MXRA7: variants seen among roughly 807,000 people sequenced by gnomAD.
The protein encoded by MXRA7 is matrix remodeling associated 7, also known as matrix-remodeling-associated protein 7.
Under a neutral mutation model 17.4 loss-of-function variants are expected in MXRA7, and 18 were observed. The ratio of observed to expected loss-of-function variants is 1.03; its 90% CI spans 0.71 to 1.53. MXRA7 has a LOEUF of 1.53. Among genes scored for constraint, MXRA7 ranks in the 40% most tolerant of loss-of-function variants. The pLI is 0.00. For synonymous variants in MXRA7, 70 were observed against 101.7 expected, an observed-to-expected ratio of 0.69 and a Z score of 1.87; for missense variants, 141 against 209.3, an observed-to-expected ratio of 0.67 and a Z score of 2.01.
In MXRA7 at chr17:76,706,380, G is replaced by A. The variant is rs112345048; in HGVS notation, c.342+4225C>T. ...TGCCATCACAGAGGCCCACGCTGCC[G>A]TCACAGAGGCCCACGCTGCCGTCAC... On this transcript the variant is annotated intron_variant, in intron 1 of 3. Coordinates refer to ENST00000449428, the MANE Select transcript of MXRA7 (RefSeq NM_198530.4). 4.2e-3 allele frequency among the ~76,000 whole-genome samples: 353 copies of A among 84,076 alleles called. 7 individuals are homozygous for A. Among genetic ancestry groups the A allele is most frequent in the East Asian group, 0.022 (52 of 2,336 alleles). 55.2% of individuals were successfully genotyped at this position (84,076 alleles called of 152,430 possible). A position where few individuals can be genotyped will look rare whatever the true frequency, so the allele number is the denominator to read the frequency against.
In MXRA7 at chr17:76,710,577, A is replaced by AG. The variant is rs749640412; in HGVS notation, c.342+27dup. On this transcript the variant is annotated intron_variant, in intron 1 of 3. Transcript: ENST00000449428. ...GGCAGCCGGAGCCCCGGGGGTGGGGAGGGGGCCGCGAGGGCCCCGGTGCGT... is the reference window on the plus strand; with the variant it reads ...GGCAGCCGGAGCCCCGGGGGTGGGGAGGGGGGCCGCGAGGGCCCCGGTGCGT... 759 of 1,271,290 alleles carry AG rather than the reference A, an allele frequency of 6.0e-4. 7 individuals carry two copies. The Middle Eastern group carries it at 6.9e-3, about 12-fold the overall frequency. The allele number at this position is 1,271,290 out of a possible 1,614,324, so 78.8% of individuals were successfully genotyped here.
At chr17:76,708,007 T>C (rs988336030) in intron 1 of MXRA7, among the ~76,000 whole-genome samples, 3 of 152,216 alleles carry the variant, frequency 2.0e-5, no homozygotes, top group Non-Finnish European at 1.5e-5. Context: ...TGCCCTGGCC[T>C]GTGCTGCCCT....
intron 1 of MXRA7, among the ~76,000 whole-genome samples, chr17:76,700,347 A>G (rs1345977703): frequency 6.6e-6 from 1 of 152,178 alleles, no homozygotes; most frequent in Non-Finnish European, 1.5e-5. Flanking sequence ...ACAGTCGCTG[A>G]TGGAAACTTG....
downstream of MXRA7, among the ~76,000 whole-genome samples, chr17:76,678,658 C>T (rs977506357): frequency 1.3e-5 from 2 of 152,204 alleles, no homozygotes; most frequent in Admixed American, 6.5e-5. Context: ...ACCTCTCAGC[C>T]CTGCTCTGCA....
intron 1 of MXRA7, chr17:76,703,731 G>T (rs1489297504): frequency 7.6e-6 from 1 of 131,458 alleles, no homozygotes; most frequent in Non-Finnish European, 1.6e-5. Context: ...ACCAGCTGAG[G>T]TCCTAGCTCA....
intron 1 of MXRA7, among the ~76,000 whole-genome samples, chr17:76,691,201 T>A (rs2076475563): frequency 6.6e-6 from 1 of 152,278 alleles, no homozygotes; most frequent in African/African-American, 2.4e-5. Context: ...CCGATAGGGT[T>A]TGGAGAGCTT....
chr17:76,677,972 G>A (rs1252546606), downstream of MXRA7, among the ~76,000 whole-genome samples: 1 of 152,172 alleles, frequency 6.6e-6, no homozygotes, highest in East Asian at 1.9e-4. Context: ...TCACTTAGGT[G>A]CTCTGTGCCT....
rs1489835063 is a variant in MXRA7, at chr17:76,681,750, C to T, written c.501-871G>A. Among the ~76,000 whole-genome samples, 1 of 152,172 alleles carries T rather than the reference C, an allele frequency of 6.6e-6. No individual in the cohort carries two copies. The highest frequency in any genetic ancestry group is 1.5e-5 in the Non-Finnish European group (1 of 68,014). ...GAAGTGATGGAGAGGAGCTGACAGC[C>T]GCGCCTGTTCTTTCTCCTGCCAAGC... On this transcript the variant is annotated intron_variant, in intron 3 of 3. Transcript: ENST00000449428. This position sits in a 1 kb window ranked among gnomAD's most constrained non-coding sequence, Gnocchi z 4.7.
chr17:76,710,699 A>G lies in MXRA7; in HGVS notation c.248T>C (p.Leu83Pro), dbSNP rs900818526. 4 of 1,219,528 alleles carry G rather than the reference A, an allele frequency of 3.3e-6. No homozygotes were observed. Among genetic ancestry groups the G allele is most frequent in the Non-Finnish European group, 4.1e-6 (4 of 968,320 alleles). The allele number at this position is 1,219,528 out of a possible 1,614,324, so 75.5% of individuals were successfully genotyped here. A position where few individuals can be genotyped will look rare whatever the true frequency, so the allele number is the denominator to read the frequency against. The change falls in exon 1 of 4, where the codon CTC becomes CCC. Residue 83 changes from leucine to proline, a missense_variant. This residue lies in a region of MXRA7 where 72 missense variants were observed against 111.9 expected (regional missense o/e 0.64). Coordinates refer to ENST00000449428, the MANE Select transcript of MXRA7 (RefSeq NM_198530.4). Reference protein sequence around the residue: ...EPGEPAGLGELGEPAGPGEPE... With the variant: ...EPGEPAGLGEPGEPAGPGEPE... ...CTCCCCCGGTCCCGCAGGCTCCCCG[A>G]GCTCCCCCAGCCCCGCGGGCTCTCC... is the stretch of plus-strand genomic sequence containing the variant.
At chr17:76,709,699 CGGAGACCCTGGCGGTGGCCT>C in intron 1 of MXRA7, 1 of 152,712 alleles carries the variant, frequency 6.5e-6, no homozygotes, top group Middle Eastern at 3.4e-3. Context: ...CAATCCGACT[CGGAGACCCTGGCGGTGGCCT>C]GGACCGGCCA....
chr17:76,677,671 T>C, downstream of MXRA7: 1 of 1,613,970 alleles, frequency 6.2e-7, no homozygotes, highest in Non-Finnish European at 8.5e-7. Flanking sequence ...TTCATGAGCT[T>C]GAAGATGGCA....
At chr17:76,690,371 C>T (rs1162227934) in intron 1 of MXRA7, among the ~76,000 whole-genome samples, 1 of 151,574 alleles carries the variant, frequency 6.6e-6, no homozygotes, top group Non-Finnish European at 1.5e-5. Context: ...ATCCAAAGAC[C>T]CCATTTTTTC....
Position 76,706,395 on chromosome 17 carries a change from G to T in MXRA7, c.342+4210C>A, listed in dbSNP as rs111751938. Among the ~76,000 whole-genome samples, 180 of 120,888 alleles carry T rather than the reference G, an allele frequency of 1.5e-3. 10 individuals carry two copies. The highest frequency in any genetic ancestry group is 5.1e-3 in the African/African-American group (169 of 32,838). The allele number at this position is 120,888 out of a possible 152,430, so 79.3% of individuals were successfully genotyped here. The stretch of plus-strand genomic sequence containing the variant: ...CCACGCTGCCGTCACAGAGGCCCAC[G>T]CTGCCGTCACAGAGGCCCACACTGC... On this transcript the variant is annotated intron_variant, in intron 1 of 3. Coordinates refer to ENST00000449428, the MANE Select transcript of MXRA7 (RefSeq NM_198530.4).
intron 1 of MXRA7, among the ~76,000 whole-genome samples, chr17:76,706,212 A>ATCACAGAGGCCCACGCTGCTG (rs2076654941): frequency 4.6e-5 from 2 of 43,940 alleles, no homozygotes; most frequent in African/African-American, 1.1e-4. Flanking sequence ...CCACGCTGCC[A>ATCACAGAGGCCCACGCTGCTG]TCACAAAGGC....
intron 3 of MXRA7, chr17:76,684,786 T>A (rs1445998631): frequency 6.2e-6 from 2 of 322,514 alleles, no homozygotes; most frequent in East Asian, 9.8e-5. Context: ...GGCAGTGGGG[T>A]GTGGAGGGGG....
intron 3 of MXRA7, among the ~76,000 whole-genome samples, chr17:76,683,577 G>T (rs944478107): frequency 1.3e-5 from 2 of 152,202 alleles, no homozygotes; most frequent in Admixed American, 1.3e-4. Context: ...TTGCGAGGGG[G>T]CGCTAGCACC....
intron 3 of MXRA7, chr17:76,684,801 G>C: frequency 2.0e-6 from 1 of 504,930 alleles, no homozygotes; most frequent in Non-Finnish European, 3.6e-6. Context: ...AGGGGGTGGG[G>C]GGGTGCAGTA....
At chr17:76,686,097 C>T (rs1390378469) in intron 2 of MXRA7, among the ~76,000 whole-genome samples, 1 of 152,214 alleles carries the variant, frequency 6.6e-6, no homozygotes, top group Non-Finnish European at 1.5e-5. Flanking sequence ...TTGCAGCCTT[C>T]ATGCTACCGG....
rs2076370943 is a variant in MXRA7 at position 76,685,092 on chromosome 17, C to T, written c.480G>A (p.Glu160=). The T allele has an allele frequency of 6.2e-7, 1 of 1,614,076 alleles. No homozygotes were observed. Among genetic ancestry groups the T allele is most frequent in the East Asian group, 2.2e-5 (1 of 44,852 alleles). ...CCTACCTCTGCTCCTCCTCCAGCTC[C>T]TCTTTGGTCATCATCTTCTTGTACT... ...GNQYKKMMTK[E]ELEEEQRTEE is the part of the protein sequence containing the mutation. Residue 160 remains glutamate, a synonymous_variant, in exon 3 of 4, where the codon GAG becomes GAA. Transcript: ENST00000449428.
Sources: gnomAD v4.1 joint callset for allele counts (sites outside exome capture counted in the v4.1 genomes callset) on GRCh38, gnomAD v4.1.1 for gene constraint, gnomAD v4.1.1 regional missense constraint, Gnocchi (gnomAD v3.1) non-coding constraint, MANE v1.5 for transcripts, NCBI Gene and HGNC (gene_info 2026-07-23, HGNC 2026-07-21) for gene names.